Variants in TNRC6B observed in about 807,000 individuals in gnomAD.
The protein encoded by TNRC6B is trinucleotide repeat-containing gene 6B protein.
TNRC6B carries 52 observed loss-of-function variants against 203.6 expected under a neutral mutation model. The observed-to-expected ratio is 0.26, with a 90% confidence interval of 0.20 to 0.32. TNRC6B has a LOEUF of 0.32. Among genes scored for constraint, TNRC6B ranks in the 10% least tolerant of loss-of-function variants. The pLI, the probability that TNRC6B is intolerant of heterozygous loss-of-function variation, is 1.00. For synonymous variants in TNRC6B, 838 were observed against 845.7 expected (o/e 0.99, Z 0.16); for missense variants, 1,923 against 2,286.2 (o/e 0.84, Z 3.24).
intron 1 of TNRC6B, among the ~76,000 whole-genome samples, chr22:40,217,430 G>C (rs1296403134): frequency 2.0e-5 from 3 of 152,102 alleles, no homozygotes; most frequent in African/African-American, 2.4e-5. Context: ...GGCAGAACTT[G>C]GGCTCCTGGC....
At chr22:40,172,014 A>G (rs935086470) in intron 4 of TNRC6B, among the ~76,000 whole-genome samples, 1 of 143,420 alleles carries the variant, frequency 7.0e-6, no homozygotes, top group Non-Finnish European at 1.5e-5. Context: ...GCACACCACC[A>G]TGCCCAGCTA....
At chr22:40,318,986 C>T (rs954046156) in intron 21 of TNRC6B, among the ~76,000 whole-genome samples, 2 of 151,870 alleles carry the variant, frequency 1.3e-5, no homozygotes, top group Non-Finnish European at 2.9e-5. Flanking sequence ...GCAGGAGAAT[C>T]GCTTGAACCC....
chr22:40,300,829 C>A, intron 13 of TNRC6B, 81 bp from the exon 14 acceptor site: 1 of 1,381,006 alleles, frequency 7.2e-7, no homozygotes, highest in Non-Finnish European at 1.0e-6. Context: ...ACCTGTACTT[C>A]AGTGCACAGA....
At chr22:40,277,750 TTATC>T (rs1231229568) in intron 8 of TNRC6B, among the ~76,000 whole-genome samples, 2 of 152,218 alleles carry the variant, frequency 1.3e-5, no homozygotes, top group African/African-American at 4.8e-5. Context: ...AGGCAGCTGT[TTATC>T]TATTGCTCTC....
chr22:40,077,126 C>A (rs578149307), intron 1 of TNRC6B, among the ~76,000 whole-genome samples: 2 of 144,488 alleles, frequency 1.4e-5, no homozygotes, highest in African/African-American at 5.1e-5. Flanking sequence ...GGAGGGGAGG[C>A]GGGGCACTTC....
At chr22:40,162,042 T>C (rs1427048301) in intron 4 of TNRC6B, among the ~76,000 whole-genome samples, 1 of 152,196 alleles carries the variant, frequency 6.6e-6, no homozygotes, top group Admixed American at 6.5e-5. Context: ...TTTATATTTG[T>C]GATGGTCTAA....
intron 1 of TNRC6B, among the ~76,000 whole-genome samples, chr22:40,049,812 C>A (rs1476064361): frequency 7.9e-5 from 12 of 152,030 alleles, no homozygotes. Flanking sequence ...CCATGTTGGC[C>A]AGGCTGATCT....
chr22:40,145,287 C>T (rs1193957088), intron 3 of TNRC6B, among the ~76,000 whole-genome samples: 1 of 151,858 alleles, frequency 6.6e-6, no homozygotes, highest in East Asian at 1.9e-4. Flanking sequence ...TTCATTGAGC[C>T]TACACTTAAA....
intron 3 of TNRC6B, among the ~76,000 whole-genome samples, chr22:40,143,744 C>A (rs1467477336): frequency 4.6e-5 from 7 of 152,228 alleles, no homozygotes; most frequent in Non-Finnish European, 1.0e-4. Context: ...GATCCGCCCG[C>A]CTTGGCCACC....
intron 12 of TNRC6B, among the ~76,000 whole-genome samples, chr22:40,296,326 A>ATTTTTTT (rs951987835): frequency 3.2e-5 from 4 of 125,464 alleles, no homozygotes; most frequent in Non-Finnish European, 5.1e-5. Context: ...AGAATGGTGA[A>ATTTTTTT]TTTTTTTTTT....
intron 3 of TNRC6B, among the ~76,000 whole-genome samples, chr22:40,154,882 TATATATATATATAC>T (rs796474397): frequency 0.041 from 2,305 of 55,852 alleles, 93 homozygotes; most frequent in African/African-American, 0.08. Context: ...TATATATATA[TATATATATATATAC>T]ATATATATAT....
chr22:40,068,533 G>A (rs953036638), intron 1 of TNRC6B, among the ~76,000 whole-genome samples: 3 of 152,150 alleles, frequency 2.0e-5, no homozygotes, highest in East Asian at 1.9e-4. Context: ...GGCCAGGCTG[G>A]TCTCGAACTC....
At chr22:40,062,683 A>G (rs765195031) in intron 1 of TNRC6B, among the ~76,000 whole-genome samples, 37 of 152,086 alleles carry the variant, frequency 2.4e-4, no homozygotes, top group Non-Finnish European at 5.3e-4. Flanking sequence ...AGGAAATGGT[A>G]TTTTCATTTG....
In TNRC6B at chr22:40,085,424, T is replaced by C. The variant is rs1055391401; in HGVS notation, c.-120-31631T>C. ...CAAAAAAAGGGACCAACATAGTATC[T>C]GGTTAATGTTTCCTAAGCTTCTTTA... On this transcript the variant is annotated intron_variant, in intron 1 of 23. Coordinates refer to the TNRC6B transcript ENST00000301923. Among the ~76,000 whole-genome samples the C allele has an allele frequency of 2.0e-5, 3 of 152,360 alleles. No homozygotes were observed. In the South Asian group the frequency reaches 6.2e-4, roughly 32 times the overall value.
At chr22:40,183,431 C>T (rs539219337) in intron 1 of TNRC6B, among the ~76,000 whole-genome samples, 1 of 152,262 alleles carries the variant, frequency 6.6e-6, no homozygotes, top group East Asian at 1.9e-4. Context: ...TTATTCAAGT[C>T]CCTACATTCC....
At chr22:40,181,777 A>C (rs1333058274) in intron 1 of TNRC6B, among the ~76,000 whole-genome samples, 1 of 151,476 alleles carries the variant, frequency 6.6e-6, no homozygotes, top group African/African-American at 2.4e-5. Flanking sequence ...CTGTCCCTAC[A>C]AGAAATTTTA....
At chr22:40,175,271 C>T (rs995280388), upstream of TNRC6B, among the ~76,000 whole-genome samples, 4 of 151,942 alleles carry the variant, frequency 2.6e-5, no homozygotes, top group African/African-American at 7.3e-5. Context: ...ACAGGAGAAT[C>T]GCTTGAACCC....
chr22:40,238,235 G>A (rs1272220529), intron 1 of TNRC6B, among the ~76,000 whole-genome samples: 3 of 152,032 alleles, frequency 2.0e-5, no homozygotes, highest in African/African-American at 2.4e-5. Flanking sequence ...ACACACACTC[G>A]ACTCGCCGTT....
At chr22:40,133,014 A>T (rs1312651802) in intron 3 of TNRC6B, among the ~76,000 whole-genome samples, 4 of 144,424 alleles carry the variant, frequency 2.8e-5, no homozygotes, top group Non-Finnish European at 6.0e-5. Context: ...GGAGGCACAG[A>T]TATGTATATG....
Sources: gnomAD v4.1 joint callset for allele counts (sites outside exome capture counted in the v4.1 genomes callset) on GRCh38, gnomAD v4.1.1 for gene constraint, MANE v1.5 for transcripts, NCBI Gene and HGNC (gene_info 2026-07-23, HGNC 2026-07-21) for gene names.